SLC37A1: variants seen among roughly 807,000 people sequenced by gnomAD.
SLC37A1 encodes the protein solute carrier family 37 member 1, also known as glucose-6-phosphate exchanger SLC37A1.
SLC37A1 carries 49 observed loss-of-function variants against 75.3 expected under a neutral mutation model. The observed-to-expected ratio is 0.65, with a 90% CI of 0.52 to 0.83. SLC37A1 has a LOEUF of 0.83. Ranked by LOEUF, SLC37A1 falls within the 40% of genes least tolerant of loss-of-function variation. SLC37A1 has a pLI of 0.00. For missense variants in SLC37A1, 566 were observed against 695.0 expected, an observed-to-expected ratio of 0.81 and a Z score of 2.09; for synonymous variants, 268 against 292.1, an observed-to-expected ratio of 0.92 and a Z score of 0.84.
At chr21:42,542,598 C>A in intron 7 of SLC37A1, 118 bp downstream of exon 7, 2 of 960,846 alleles carry the variant, frequency 2.1e-6, no homozygotes, top group Non-Finnish European at 3.1e-6. Context: ...AATAAGATGG[C>A]TGAAACCTCT....
At chr21:42,566,305 C>A (rs1037549224) in intron 15 of SLC37A1, among the ~76,000 whole-genome samples, 1 of 152,246 alleles carries the variant, frequency 6.6e-6, no homozygotes, top group African/African-American at 2.4e-5. Flanking sequence ...AGGAACCTGG[C>A]GGTGTGACCT....
In SLC37A1 at chr21:42,540,577, G is replaced by A. The variant is rs187837152; in HGVS notation, c.486+930G>A. On this transcript the variant is annotated intron_variant, in intron 6 of 19. Transcript: ENST00000352133. ...GAAGGGGAGAAGGCCTGAGGACAGC[G>A]CGCGCTGGCTTTGCCCTTGGAGCTG... Among the ~76,000 whole-genome samples, 66 of 152,278 alleles carry A rather than the reference G, an allele frequency of 4.3e-4. 1 individual carries two copies. The highest frequency in any genetic ancestry group is 1.4e-3 in the African/African-American group (60 of 41,566).
exon 1 of SLC37A1, chr21:42,499,645 C>A (rs1460379105): frequency 6.6e-6 from 1 of 152,242 alleles, no homozygotes; most frequent in African/African-American, 2.4e-5. Context: ...GAAGTTCGCG[C>A]AAGTGCGGCT....
At position 42,580,331 on chromosome 21, in the gene SLC37A1, A is replaced by G. The variant is rs112469905; in HGVS notation, c.1587-14A>G. The stretch of plus-strand genomic sequence containing the variant: ...TGGCTGTTAGAGCAGCTCTTCTTTC[A>G]ACCTTTCTTTCAGATTTAAGGAACA... On this transcript the variant is annotated splice_polypyrimidine_tract_variant and intron_variant, in intron 19 of 19. Coordinates refer to ENST00000352133, the MANE Select transcript of SLC37A1 (RefSeq NM_001320537.2). The G allele has an allele frequency of 1.3e-3, 2,080 of 1,612,188 alleles. 23 individuals carry two copies. The African/African-American group carries it at 0.023, about 18-fold the overall frequency.
chr21:42,507,763 C>T (rs780177551), intron 2 of SLC37A1, among the ~76,000 whole-genome samples: 33 of 152,068 alleles, frequency 2.2e-4, no homozygotes, highest in Non-Finnish European at 3.4e-4. Context: ...GTGCCAGGCT[C>T]CTTCTAATCA....
At position 42,565,989 on chromosome 21, in the gene SLC37A1, A is replaced by G. The variant is rs2055967213; in HGVS notation, c.1270+114A>G. On this transcript the variant is annotated intron_variant, in intron 15 of 19. Transcript: ENST00000352133. ...CATTGAGCTGGTTTAACTGGAGCAC[A>G]TGGTGTGGCTAAAATTGTCCGTGTC... The G allele has an allele frequency of 6.6e-6, 7 of 1,060,098 alleles. No homozygotes were observed. The African/African-American group carries it at 8.0e-5, about 12-fold the overall frequency. The allele number at this position is 1,060,098 out of a possible 1,614,324, so 65.7% of individuals were successfully genotyped here.
chr21:42,530,654 A>ACACACCCCCCCCC (rs1161313598), intron 3 of SLC37A1, among the ~76,000 whole-genome samples: 3 of 35,880 alleles, frequency 8.4e-5, no homozygotes, highest in South Asian at 7.6e-4. Context: ...ACACACACAC[A>ACACACCCCCCCCC]CCCCCTCTGT....
At chr21:42,566,440 C>T (rs542266486) in intron 15 of SLC37A1, among the ~76,000 whole-genome samples, 49 of 152,356 alleles carry the variant, frequency 3.2e-4, no homozygotes, top group South Asian at 1.9e-3. Context: ...CTGCAGGCAG[C>T]GCTATCAAAC....
chr21:42,532,191 C>G (rs1022258545), intron 3 of SLC37A1, among the ~76,000 whole-genome samples: 1 of 152,274 alleles, frequency 6.6e-6, no homozygotes, highest in Middle Eastern at 3.4e-3. Context: ...GACCCCCACT[C>G]ATTACATAAC....
rs1568983438 is a variant in SLC37A1, at chr21:42,518,267, C to A, written c.-178-10C>A. On this transcript the variant is annotated splice_polypyrimidine_tract_variant and intron_variant, in intron 1 of 19. Coordinates refer to ENST00000352133, the MANE Select transcript of SLC37A1 (RefSeq NM_001320537.2). ...CACTGGACTCTGAATGCCTCTCCTCCTCCTTGTAGAGAGCAGAGCCACTGC... is the reference window on the plus strand; with the variant it reads ...CACTGGACTCTGAATGCCTCTCCTCATCCTTGTAGAGAGCAGAGCCACTGC... 3.1e-6 allele frequency: 2 copies of A among 639,624 alleles called. No individual in the cohort carries two copies. Among genetic ancestry groups the A allele is most frequent in the Non-Finnish European group, 5.5e-6 (2 of 362,356 alleles). The allele number at this position is 639,624 out of a possible 1,614,324, so 39.6% of individuals were successfully genotyped here.
intron 2 of SLC37A1, among the ~76,000 whole-genome samples, chr21:42,521,247 C>T (rs1254202137): frequency 6.6e-6 from 1 of 152,214 alleles, no homozygotes; most frequent in African/African-American, 2.4e-5. Flanking sequence ...CAATGACCAA[C>T]GTCAGTGTCA....
chr21:42,549,920 T>TGTAC lies in SLC37A1; in HGVS notation c.768+2781_768+2784dup, dbSNP rs541127264. ...AAAATAACAGCATAACGAACCCCTG[T>TGTAC]GTACCCATTACCCAAGTTTCCAACA... On this transcript the variant is annotated intron_variant, in intron 9 of 19. Coordinates refer to ENST00000352133, the MANE Select transcript of SLC37A1 (RefSeq NM_001320537.2). Among the ~76,000 whole-genome samples, 37 of 152,322 alleles carry TGTAC rather than the reference T, an allele frequency of 2.4e-4. No homozygotes were observed. In the East Asian group the frequency reaches 4.8e-3, roughly 20 times the overall value.
chr21:42,533,602 C>G (rs551120894), intron 3 of SLC37A1, among the ~76,000 whole-genome samples: 1 of 151,324 alleles, frequency 6.6e-6, no homozygotes, highest in Non-Finnish European at 1.5e-5. Context: ...CCACTCAGGC[C>G]CCTCTGCCTC....
rs2055845579 is a variant in SLC37A1, at chr21:42,562,124, G to C, written c.1028G>C (p.Ser343Thr). 1 of 1,614,238 alleles carries C rather than the reference G, an allele frequency of 6.2e-7. No homozygotes were observed. Among genetic ancestry groups the C allele is most frequent in the Non-Finnish European group, 8.5e-7 (1 of 1,180,042 alleles). The stretch of plus-strand genomic sequence containing the variant: ...TGTCTGCTGTTTGCCAAGCTGGTCA[G>C]CTATACTTTCCTCTTCTGGCTGCCC... ...SLCLLFAKLV[S>T]YTFLFWLPLY... is the part of the protein sequence containing the mutation. The change falls in exon 12 of 20, where the codon AGC becomes ACC. Residue 343 changes from serine (S) to threonine (T), a missense_variant. Coordinates refer to ENST00000352133, the MANE Select transcript of SLC37A1 (RefSeq NM_001320537.2).
At chr21:42,530,117 G>A (rs952101388) in intron 3 of SLC37A1, among the ~76,000 whole-genome samples, 12 of 152,164 alleles carry the variant, frequency 7.9e-5, no homozygotes, top group Non-Finnish European at 1.2e-4. Flanking sequence ...TCACAAGTCC[G>A]TATTATGAAA....
intron 8 of SLC37A1, among the ~76,000 whole-genome samples, chr21:42,546,066 G>A (rs1386325559): frequency 6.6e-6 from 1 of 152,234 alleles, no homozygotes; most frequent in Non-Finnish European, 1.5e-5. Context: ...GGAGCCTGCA[G>A]CCCTGTAGCT....
At chr21:42,516,081 C>T (rs2054516225) in intron 1 of SLC37A1, among the ~76,000 whole-genome samples, 1 of 152,186 alleles carries the variant, frequency 6.6e-6, no homozygotes, top group Admixed American at 6.5e-5. Context: ...TTTGACAGTG[C>T]AATGAAACTG....
intron 17 of SLC37A1, among the ~76,000 whole-genome samples, chr21:42,573,419 C>T (rs1336227841): frequency 6.6e-6 from 1 of 152,168 alleles, no homozygotes; most frequent in African/African-American, 2.4e-5. Context: ...TGAGGATGCT[C>T]AGTGGAGCAG....
At chr21:42,575,868 G>A (rs2056297048) in intron 18 of SLC37A1, 1 of 985,270 alleles carries the variant, frequency 1.0e-6, no homozygotes, top group Non-Finnish European at 1.2e-6. Context: ...GATCATCTGT[G>A]GGTTCTTTTA....
Sources: gnomAD v4.1 joint callset for allele counts (sites outside exome capture counted in the v4.1 genomes callset) on GRCh38, gnomAD v4.1.1 for gene constraint, MANE v1.5 for transcripts, NCBI Gene and HGNC (gene_info 2026-07-23, HGNC 2026-07-21) for gene names.